Variants in EFEMP2 observed in about 807,000 individuals in gnomAD.
EFEMP2 encodes EGF-like fibulin extracellular matrix protein 2, also known as EGF-containing fibulin-like extracellular matrix protein 2.
EFEMP2 carries 21 observed loss-of-function variants against 55.3 expected under a neutral mutation model. The ratio of observed to expected loss-of-function variants is 0.38; its 90% CI spans 0.27 to 0.55. The LOEUF (loss-of-function observed/expected upper bound fraction) is 0.55, where lower values mean the gene tolerates loss of function less well. Ranked by LOEUF, EFEMP2 falls within the 20% of genes least tolerant of loss-of-function variation. The pLI, the probability that EFEMP2 is intolerant of heterozygous loss-of-function variation, is 0.77. For synonymous variants in EFEMP2, 275 were observed against 242.3 expected (o/e 1.14, Z -1.25); for missense variants, 513 against 615.1 (o/e 0.83, Z 1.76).
At chr11:65,870,093 C>A (rs1859938440) in intron 6 of EFEMP2, 28 bp downstream of exon 6, 1 of 1,613,274 alleles carries the variant, frequency 6.2e-7, no homozygotes, top group South Asian at 1.1e-5. Flanking sequence ...TGCCCAGGAC[C>A]CAGGAGCCTG....
At chr11:65,871,848 TG>T in intron 3 of EFEMP2, 121 bp downstream of exon 3, 2 of 1,259,036 alleles carry the variant, frequency 1.6e-6, no homozygotes, top group Non-Finnish European at 2.3e-6. Flanking sequence ...GTAGCAGAGC[TG>T]GGCATAGAAC....
At position 65,866,636 on chromosome 11, in the gene EFEMP2, G is replaced by A. The variant is rs572394429; in HGVS notation, c.*282C>T. The A allele has an allele frequency of 7.9e-4, 554 of 703,324 alleles. No homozygotes were observed. The highest frequency in any genetic ancestry group is 1.2e-3 in the Non-Finnish European group (449 of 385,394). 43.6% of individuals were successfully genotyped at this position (703,324 alleles called of 1,614,324 possible). On this transcript the variant is annotated 3_prime_UTR_variant, in exon 11 of 11. Coordinates refer to ENST00000307998, the MANE Select transcript of EFEMP2 (RefSeq NM_016938.5). The stretch of plus-strand genomic sequence containing the variant: ...CCGGGGCCTGGAGTCCGCCCTCCTC[G>A]TTACCTCCTCTCCTCTCGGGGTGAC...
intron 3 of EFEMP2, 150 bp downstream of exon 3, chr11:65,871,820 G>T: frequency 2.0e-6 from 2 of 998,102 alleles, no homozygotes; most frequent in Non-Finnish European, 3.0e-6. Flanking sequence ...CCTCCAGAGA[G>T]CCAGAGCTGG....
At chr11:65,870,337 T>C (rs1859944080) in intron 5 of EFEMP2, 100 bp from the exon 6 acceptor site, 1 of 1,430,022 alleles carries the variant, frequency 7.0e-7, no homozygotes, top group African/African-American at 1.4e-5. Context: ...CATAATCCTG[T>C]GTCCGAGGAG....
In EFEMP2 at chr11:65,866,803, C is replaced by A; in HGVS notation, c.*115G>T. ...GCCTGAGGCTTCCTGCAGTGTGACC[C>A]GCCCACCTCAGCCACCAGGACTTTC... is the stretch of plus-strand genomic sequence containing the variant. On this transcript the variant is annotated 3_prime_UTR_variant, in exon 11 of 11. Coordinates refer to ENST00000307998, the MANE Select transcript of EFEMP2 (RefSeq NM_016938.5). The A allele has an allele frequency of 1.5e-6, 2 of 1,376,886 alleles. No individual in the cohort carries two copies. Among genetic ancestry groups the A allele is most frequent in the Non-Finnish European group, 1.0e-6 (1 of 987,732 alleles). The allele number at this position is 1,376,886 out of a possible 1,614,324, so 85.3% of individuals were successfully genotyped here. A position where few individuals can be genotyped will look rare whatever the true frequency, so the allele number is the denominator to read the frequency against.
chr11:65,872,385 AG>A (rs1322163446), intron 1 of EFEMP2, 24 bp from the exon 2 acceptor site: 1 of 1,494,670 alleles, frequency 6.7e-7, no homozygotes, highest in South Asian at 1.2e-5. Flanking sequence ...GACACGGGTC[AG>A]GGGCCTCTGC....
chr11:65,867,298 C>A, intron 10 of EFEMP2: 1 of 602,072 alleles, frequency 1.7e-6, no homozygotes, highest in South Asian at 1.9e-5. Context: ...TCTTCTCACC[C>A]TCTCCAGCCT....
At chr11:65,871,073 T>A in intron 4 of EFEMP2, 84 bp downstream of exon 4, 2 of 1,506,398 alleles carry the variant, frequency 1.3e-6, no homozygotes, top group South Asian at 2.3e-5. Context: ...GTGGCCCTTT[T>A]GAGCTGGGGA....
intron 7 of EFEMP2, 147 bp downstream of exon 7, chr11:65,869,710 C>A: frequency 7.9e-7 from 1 of 1,263,574 alleles, no homozygotes; most frequent in Non-Finnish European, 1.1e-6. Flanking sequence ...TGCTCCACAG[C>A]CAGCCGGGGT....
chr11:65,869,605 T>G lies in EFEMP2; in HGVS notation c.727+252A>C, dbSNP rs570387. 16 of 546,712 alleles carry G rather than the reference T, an allele frequency of 2.9e-5. No individual in the cohort carries two copies. In the African/African-American group the frequency reaches 3.0e-4, roughly 10 times the overall value. 33.9% of individuals were successfully genotyped at this position (546,712 alleles called of 1,614,324 possible). On this transcript the variant is annotated intron_variant, in intron 7 of 10. Coordinates refer to ENST00000307998, the MANE Select transcript of EFEMP2 (RefSeq NM_016938.5). Reference sequence around the variant, plus strand: ...CAGGTAAATGCAGGTGAGCCTGATATGTGGGACAGGTGGCACCCACATCCT... The same window carrying G: ...CAGGTAAATGCAGGTGAGCCTGATAGGTGGGACAGGTGGCACCCACATCCT...
rs1343857711 is a variant in EFEMP2, at chr11:65,866,471, A to G, written c.*447T>C. ...GTCCAGTTGCCTCGTTTTATAGAAAAACAGGCCCAGGGAACTACTAGGGCT... is the reference window on the plus strand; with the variant it reads ...GTCCAGTTGCCTCGTTTTATAGAAAGACAGGCCCAGGGAACTACTAGGGCT... On this transcript the variant is annotated 3_prime_UTR_variant, in exon 11 of 11. Transcript: ENST00000307998. The G allele has an allele frequency of 7.1e-6, 5 of 701,758 alleles. No individual in the cohort carries two copies. Among genetic ancestry groups the G allele is most frequent in the Admixed American group, 6.0e-5 (3 of 49,936 alleles). The allele number at this position is 701,758 out of a possible 1,614,324, so 43.5% of individuals were successfully genotyped here.
intron 2 of EFEMP2, 98 bp from the exon 3 acceptor site, chr11:65,872,116 TC>T: frequency 6.6e-7 from 1 of 1,520,246 alleles, no homozygotes; most frequent in South Asian, 1.2e-5. Flanking sequence ...TCCGGCCTGC[TC>T]CAAACAATGG....
chr11:65,868,858 T>TA, intron 7 of EFEMP2: 1 of 561,672 alleles, frequency 1.8e-6, no homozygotes, highest in Middle Eastern at 4.9e-4. Flanking sequence ...AAACACTAAA[T>TA]AAGTTACTGG....
chr11:65,872,475 C>T (rs1261524811), intron 1 of EFEMP2, 114 bp from the exon 2 acceptor site: 8 of 724,150 alleles, frequency 1.1e-5, no homozygotes, highest in Non-Finnish European at 1.6e-5. Flanking sequence ...GCTTGGGCCT[C>T]GGGGCCTCCC....
At chr11:65,872,426 G>A (rs534769771) in intron 1 of EFEMP2, 65 bp from the exon 2 acceptor site, 3 of 1,204,928 alleles carry the variant, frequency 2.5e-6, no homozygotes, top group Admixed American at 4.0e-5. Context: ...TGTACCGGGA[G>A]CCCGAGCCCA....
chr11:65,867,334 C>A (rs956609075), intron 10 of EFEMP2: 1 of 561,454 alleles, frequency 1.8e-6, no homozygotes, highest in African/African-American at 1.9e-5. Context: ...GGCTAACTGA[C>A]GATTCAAGGC....
chr11:65,870,146 C>T lies in EFEMP2; in HGVS notation c.582G>A (p.Leu194=), dbSNP rs758174325. ...CAACACAGGAGCGGTTGTTAGGCCC[C>T]AGCTGGAAGCCCGGCTCGCACTGGC... ...FRCQCEPGFQ[L]GPNNRSCVDV... is the part of the protein sequence containing the mutation. The change falls in exon 6 of 11, where the codon CTG becomes CTA. Residue 194 remains leucine (L), a synonymous_variant. Coordinates refer to ENST00000307998, the MANE Select transcript of EFEMP2 (RefSeq NM_016938.5). The T allele has an allele frequency of 6.2e-7, 1 of 1,613,834 alleles. No individual in the cohort carries two copies. The highest frequency in any genetic ancestry group is 1.7e-4 in the Middle Eastern group (1 of 5,988).
Position 65,866,755 on chromosome 11 carries a change from C to T in EFEMP2, c.*163G>A, listed in dbSNP as rs1311309620. ...CCCATTTAGGTGAACTTGGCCTGCC[C>T]CCCCAAGTGCCACCCTGCCCCAGCC... is the stretch of plus-strand genomic sequence containing the variant. On this transcript the variant is annotated 3_prime_UTR_variant, in exon 11 of 11. Transcript: ENST00000307998. 1 of 924,908 alleles carries T rather than the reference C, an allele frequency of 1.1e-6. No homozygotes were observed. The highest frequency in any genetic ancestry group is 1.7e-6 in the Non-Finnish European group (1 of 584,076). 57.3% of individuals were successfully genotyped at this position (924,908 alleles called of 1,614,324 possible).
rs796960652 is a variant in EFEMP2 at position 65,872,185 on chromosome 11, T to G, written c.111+59A>C. On this transcript the variant is annotated intron_variant, in intron 2 of 10. Transcript: ENST00000307998. ...CTTCCCCGGCAGCAGTCACCCTGGG[T>G]CCCGGTCTCTTCCTCCCTACCCTTC... 16 of 1,512,928 alleles carry G rather than the reference T, an allele frequency of 1.1e-5. No homozygotes were observed. In the African/African-American group the frequency reaches 2.2e-4, roughly 21 times the overall value. The allele number at this position is 1,512,928 out of a possible 1,614,324, so 93.7% of individuals were successfully genotyped here.
Sources: allele counts gnomAD v4.1 joint callset, GRCh38; gene constraint gnomAD v4.1.1; transcripts MANE v1.5; gene names NCBI Gene and HGNC (gene_info 2026-07-23, HGNC 2026-07-21).